Variants in WBP1L observed in about 807,000 individuals in gnomAD.
WBP1L encodes WW domain binding protein 1 like.
WBP1L carries 17 observed loss-of-function variants against 33.7 expected under a neutral mutation model. The observed-to-expected ratio is 0.50, with a 90% confidence interval of 0.34 to 0.76. The LOEUF (loss-of-function observed/expected upper bound fraction) is 0.76. WBP1L is among the 30% of genes least tolerant of loss of function. The pLI, the probability that WBP1L is intolerant of heterozygous loss-of-function variation, is 0.01. For synonymous variants in WBP1L, 173 were observed against 190.8 expected (o/e 0.91, Z 0.77); for missense variants, 389 against 469.4 (o/e 0.83, Z 1.58).
chr10:102,800,533 G>A (rs762484850), intron 2 of WBP1L, among the ~76,000 whole-genome samples: 7 of 152,290 alleles, frequency 4.6e-5, no homozygotes, highest in African/African-American at 1.4e-4. Context: ...CTCTAGCTAC[G>A]GGCGTTTAGG....
At chr10:102,758,215 A>C (rs992347910) in intron 1 of WBP1L, among the ~76,000 whole-genome samples, 1 of 151,666 alleles carries the variant, frequency 6.6e-6, no homozygotes, top group Non-Finnish European at 1.5e-5. Flanking sequence ...TTTTATTAAG[A>C]TCTAATTCAC....
intron 1 of WBP1L, among the ~76,000 whole-genome samples, chr10:102,745,911 C>G (rs1389528105): frequency 6.6e-6 from 1 of 152,092 alleles, no homozygotes; most frequent in Non-Finnish European, 1.5e-5. Context: ...GCCCTCAGGA[C>G]CAGTAAAGTT....
chr10:102,743,997 G>GGGAGGA lies in WBP1L; in HGVS notation c.-48_-43dup, dbSNP rs202146271. 7.9e-6 allele frequency: 10 copies of GGGAGGA among 1,259,786 alleles called. No individual in the cohort carries two copies. The highest frequency in any genetic ancestry group is 1.5e-5 in the African/African-American group (1 of 66,986). The allele number at this position is 1,259,786 out of a possible 1,614,324, so 78.0% of individuals were successfully genotyped here. A position where few individuals can be genotyped will look rare whatever the true frequency, so the allele number is the denominator to read the frequency against. On this transcript the variant is annotated 5_prime_UTR_variant, in exon 1 of 4. Coordinates refer to ENST00000448841, the MANE Select transcript of WBP1L (RefSeq NM_001083913.2). ...AGGAAGAAGAGGGTAGAGGAGGAGAGGGAGGAGGAGGAGGGAGGTGGCGGC... is the reference window on the plus strand; with the variant it reads ...AGGAAGAAGAGGGTAGAGGAGGAGAGGGAGGAGGAGGAGGAGGAGGGAGGTGGCGGC...
intron 1 of WBP1L, among the ~76,000 whole-genome samples, chr10:102,775,030 G>A (rs769608410): frequency 3.4e-5 from 5 of 147,248 alleles, no homozygotes; most frequent in South Asian, 2.1e-4. Flanking sequence ...TGGGAGGATC[G>A]CTTGAGCTCG....
chr10:102,813,290 C>T lies in WBP1L; in HGVS notation c.1051C>T (p.Gln351Ter). The T allele has an allele frequency of 6.2e-7, 1 of 1,612,300 alleles. No homozygotes were observed. The highest frequency in any genetic ancestry group is 8.5e-7 in the Non-Finnish European group (1 of 1,179,606). Residue 351 changes from glutamine (Q) to a stop codon, truncating the protein, a stop_gained, in exon 4 of 4, where the codon CAG (glutamine) becomes TAG (stop). Transcript: ENST00000448841. LOFTEE classifies it high-confidence loss of function. ...CCTGCTGCTGAACACCATCAACGAGCAGGACTCTCCCAACTCCCAGAGCAG... is the reference window on the plus strand; with the variant it reads ...CCTGCTGCTGAACACCATCAACGAGTAGGACTCTCCCAACTCCCAGAGCAG... ...ACLLLNTINE[Q>*]DSPNSQSSSS... is the part of the protein sequence containing the mutation.
intron 1 of WBP1L, among the ~76,000 whole-genome samples, chr10:102,776,743 C>T (rs541085109): frequency 1.3e-5 from 2 of 152,264 alleles, no homozygotes; most frequent in South Asian, 2.1e-4. Context: ...AGGCAGAGTG[C>T]GATTCTTGCT....
chr10:102,768,832 T>C (rs1448393164), intron 1 of WBP1L, among the ~76,000 whole-genome samples: 9 of 148,902 alleles, frequency 6.0e-5, no homozygotes, highest in African/African-American at 2.0e-4. Flanking sequence ...GGACTACAGG[T>C]GCCTGCCACC....
rs796637182 is a variant in WBP1L at position 102,810,491 on chromosome 10, CTCCTTCCT to C, written c.355+469_355+476del. Among the ~76,000 whole-genome samples, 370 of 81,628 alleles carry C rather than the reference CTCCTTCCT, an allele frequency of 4.5e-3. 1 individual carries two copies. Among genetic ancestry groups the C allele is most frequent in the South Asian group, 0.026 (47 of 1,842 alleles). 53.6% of individuals were successfully genotyped at this position (81,628 alleles called of 152,430 possible). A position where few individuals can be genotyped will look rare whatever the true frequency, so the allele number is the denominator to read the frequency against. ...CTTCCTTCCCTCCTTCCTTCCTTCCCTCCTTCCTTCCTTCCTTCCTTCCTTCCTTCCTT... is the reference window on the plus strand; with the variant it reads ...CTTCCTTCCCTCCTTCCTTCCTTCCCTCCTTCCTTCCTTCCTTCCTTCCTT... On this transcript the variant is annotated intron_variant, in intron 3 of 3. Transcript: ENST00000448841.
intron 2 of WBP1L, among the ~76,000 whole-genome samples, chr10:102,809,259 G>A (rs531359866): frequency 6.6e-6 from 1 of 152,168 alleles, no homozygotes; most frequent in East Asian, 1.9e-4. Context: ...TGTATTTTTA[G>A]TAGAGACAGG....
At chr10:102,804,422 A>ATT (rs1564769134) in intron 2 of WBP1L, among the ~76,000 whole-genome samples, 30 of 99,044 alleles carry the variant, frequency 3.0e-4, no homozygotes, top group Middle Eastern at 4.9e-3. Context: ...TTTTTTTTAA[A>ATT]AAAAAAATTA....
chr10:102,813,196 C>T lies in WBP1L; in HGVS notation c.957C>T (p.Gly319=). 1.9e-6 allele frequency: 3 copies of T among 1,613,752 alleles called. No individual in the cohort carries two copies. The highest frequency in any genetic ancestry group is 2.5e-6 in the Non-Finnish European group (3 of 1,180,012). Residue 319 remains glycine, a synonymous_variant, in exon 4 of 4, where the codon GGC becomes GGT. Transcript: ENST00000448841. ...GGCCCCCTGGTGATGAGGAGGAAGG[C>T]CTCTGTCAGTCCTCTGAGGAGCAGG... ...HVRPPGDEEE[G]LCQSSEEQAR... is the part of the protein sequence containing the mutation.
chr10:102,793,165 G>A (rs1022741467), intron 1 of WBP1L, among the ~76,000 whole-genome samples: 1 of 152,230 alleles, frequency 6.6e-6, no homozygotes, highest in African/African-American at 2.4e-5. Flanking sequence ...CATAAGCTAG[G>A]TGTGGTGGCT....
chr10:102,751,027 G>A (rs1212622044), intron 1 of WBP1L, among the ~76,000 whole-genome samples: 2 of 151,968 alleles, frequency 1.3e-5, no homozygotes, highest in Non-Finnish European at 2.9e-5. Context: ...TTGAGACAGA[G>A]TCTCACTCTG....
chr10:102,781,444 C>T lies in WBP1L; in HGVS notation c.91-16549C>T, dbSNP rs539000982. Among the ~76,000 whole-genome samples, 81 of 152,268 alleles carry T rather than the reference C, an allele frequency of 5.3e-4. No homozygotes were observed. The Middle Eastern group carries it at 0.01, about 19-fold the overall frequency. On this transcript the variant is annotated intron_variant, in intron 1 of 3. Transcript: ENST00000448841. ...CAGGGAGAAGTTATCTGTTCCAGAA[C>T]CCAGGGCTAATGTGTGGCAGGAGGG...
At chr10:102,755,137 A>T (rs1184116672) in intron 1 of WBP1L, among the ~76,000 whole-genome samples, 28 of 151,282 alleles carry the variant, frequency 1.9e-4, no homozygotes, top group Admixed American at 1.8e-3. Context: ...TTAACTAGAG[A>T]CGGGTTTCAC....
intron 1 of WBP1L, among the ~76,000 whole-genome samples, chr10:102,779,371 C>T (rs1843307702): frequency 6.6e-6 from 1 of 151,610 alleles, no homozygotes; most frequent in Admixed American, 6.6e-5. Context: ...GATCTCAGCT[C>T]ACTGCAACCT....
In WBP1L at chr10:102,785,981, G is replaced by A. The variant is rs1355442793; in HGVS notation, c.91-12012G>A. ...AGACCTTAATAAAACCATGGGATAT[G>A]TTGCAACTTCCGATTTTTGCTGTGG... On this transcript the variant is annotated intron_variant, in intron 1 of 3. Transcript: ENST00000448841. Among the ~76,000 whole-genome samples, 3 of 152,342 alleles carry A rather than the reference G, an allele frequency of 2.0e-5. No homozygotes were observed. In the South Asian group the frequency reaches 6.2e-4, roughly 32 times the overall value.
chr10:102,787,133 G>C (rs1843426950), intron 1 of WBP1L, among the ~76,000 whole-genome samples: 3 of 152,234 alleles, frequency 2.0e-5, no homozygotes, highest in Admixed American at 1.3e-4. Context: ...CCCATTGCAT[G>C]CAAGACAAAG....
chr10:102,776,445 G>T (rs1333843819), intron 1 of WBP1L: 1 of 1,614,110 alleles, frequency 6.2e-7, no homozygotes. Context: ...GATCGGGTTT[G>T]GAAGGGAAGA....
Sources: allele counts gnomAD v4.1 joint callset (sites outside exome capture counted in the v4.1 genomes callset), GRCh38; gene constraint gnomAD v4.1.1; transcripts MANE v1.5; gene names NCBI Gene and HGNC (gene_info 2026-07-23, HGNC 2026-07-21).